The following STRN variants were observed in gnomAD, a reference collection of about 807,000 sequenced individuals.
The protein encoded by STRN is striatin.
In STRN, 53 loss-of-function variants were observed where a neutral mutation model predicts 96.3. The observed-to-expected ratio is 0.55, with a 90% CI of 0.44 to 0.69. STRN has a LOEUF of 0.69. Ranked by LOEUF, STRN falls within the 30% of genes least tolerant of loss-of-function variation. STRN has a pLI of 0.00. For synonymous variants in STRN, 428 were observed against 355.9 expected (o/e 1.20, Z -2.28); for missense variants, 987 against 963.9 (o/e 1.02, Z -0.32).
chr2:36,935,189 T>A (rs1670672401), intron 1 of STRN, among the ~76,000 whole-genome samples: 1 of 152,150 alleles, frequency 6.6e-6, no homozygotes, highest in African/African-American at 2.4e-5. Context: ...CTTATGCCCT[T>A]CTCTCTCCTA....
chr2:36,941,070 C>CCTT (rs1670834168), intron 1 of STRN, among the ~76,000 whole-genome samples: 1 of 152,130 alleles, frequency 6.6e-6, no homozygotes, highest in Non-Finnish European at 1.5e-5. Flanking sequence ...GGGAGGATGA[C>CCTT]CTGAACCCAG....
intron 5 of STRN, among the ~76,000 whole-genome samples, chr2:36,900,657 G>C (rs536532938): frequency 2.0e-5 from 3 of 152,158 alleles, no homozygotes; most frequent in Non-Finnish European, 2.9e-5. Context: ...TTGGGAGGCT[G>C]AGGCAGGCGG....
chr2:36,869,721 G>C lies in STRN; in HGVS notation c.1332C>G (p.Asn444Lys). The change falls in exon 11 of 18, where the codon AAC becomes AAG. Residue 444 changes from asparagine to lysine, a missense_variant. Physicochemically the swap from Asn to Lys is moderately conservative, Grantham distance 94 (BLOSUM62 0). Coordinates refer to ENST00000263918, the MANE Select transcript of STRN (RefSeq NM_003162.4). ...EADSLTYDIANNKDALRKTWN... is the reference protein window; with the variant it reads ...EADSLTYDIAKNKDALRKTWN... The stretch of plus-strand genomic sequence containing the variant: ...ATGTCTTCCTCAATGCATCTTTATT[G>C]TTTGCTATCTATTAAAGAAACAAAA... The C allele has an allele frequency of 1.3e-6, 2 of 1,597,012 alleles. No homozygotes were observed. Among genetic ancestry groups the C allele is most frequent in the Non-Finnish European group, 1.7e-6 (2 of 1,173,272 alleles).
Position 36,904,548 on chromosome 2 carries a change from C to T in STRN, c.491+992G>A, listed in dbSNP as rs144708518. On this transcript the variant is annotated intron_variant, in intron 4 of 17. Transcript: ENST00000263918. Reference sequence around the variant, plus strand: ...TAATATTTTATGGAAGAAAGTTGACCGGGCATGGTGGCTCACACCTGTAAT... The same window carrying T: ...TAATATTTTATGGAAGAAAGTTGACTGGGCATGGTGGCTCACACCTGTAAT... 1.2e-3 allele frequency among the ~76,000 whole-genome samples: 184 copies of T among 152,198 alleles called. 3 individuals carry two copies. In the East Asian group the frequency reaches 0.031, roughly 26 times the overall value.
chr2:36,907,823 A>ATCT (rs1302136172), intron 3 of STRN, among the ~76,000 whole-genome samples: 1 of 152,178 alleles, frequency 6.6e-6, no homozygotes, highest in Non-Finnish European at 1.5e-5. Context: ...TAAGCATTAA[A>ATCT]TCTTCCAAGT....
In STRN at chr2:36,839,898, C is replaced by T. The variant is rs185841407; in HGVS notation, c.*9558G>A. The stretch of plus-strand genomic sequence containing the variant: ...CTGTTTTATTCCTAAAACAATTGCA[C>T]TGTTCAGCTAAAGCCCTGGGCCCTG... On this transcript the variant is annotated 3_prime_UTR_variant, in exon 18 of 18. Transcript: ENST00000263918. 1.3e-4 allele frequency: 20 copies of T among 152,298 alleles called. No homozygotes were observed. The East Asian group carries it at 1.9e-3, about 15-fold the overall frequency. The allele number at this position is 152,298 out of a possible 1,614,324, so 9.4% of individuals were successfully genotyped here.
Position 36,857,849 on chromosome 2 carries a change from T to C in STRN, c.1837+7A>G. 6.2e-7 allele frequency: 1 copy of C among 1,607,824 alleles called. No individual in the cohort carries two copies. The highest frequency in any genetic ancestry group is 2.2e-5 in the East Asian group (1 of 44,730). On this transcript the variant is annotated splice_region_variant and intron_variant, in intron 14 of 17. Coordinates refer to ENST00000263918, the MANE Select transcript of STRN (RefSeq NM_003162.4). ...GATTCAGCAAAATAATTTTTTAAAG[T>C]ATGTACCTTTAGTATCATTAAATAC...
intron 7 of STRN, among the ~76,000 whole-genome samples, chr2:36,893,255 AT>A (rs1669447871): frequency 6.6e-6 from 1 of 152,204 alleles, no homozygotes; most frequent in Non-Finnish European, 1.5e-5. Context: ...GTTACAGACA[AT>A]TAAAAATGTA....
intron 15 of STRN, among the ~76,000 whole-genome samples, chr2:36,853,462 T>C (rs969962186): frequency 1.3e-5 from 2 of 152,190 alleles, no homozygotes; most frequent in African/African-American, 2.4e-5. Flanking sequence ...AATCAAATCA[T>C]GGAAACAGGC....
chr2:36,889,694 G>C lies in STRN; in HGVS notation c.932-2868C>G, dbSNP rs1307460194. On this transcript the variant is annotated intron_variant, in intron 7 of 17. Coordinates refer to ENST00000263918, the MANE Select transcript of STRN (RefSeq NM_003162.4). ...AATCGTTTAAATGTTCACTCAATTA[G>C]ACAAGATTTGCAACCTAGTTTTGTT... Among the ~76,000 whole-genome samples the C allele has an allele frequency of 3.9e-5, 6 of 152,024 alleles. No homozygotes were observed. The South Asian group carries it at 1.2e-3, about 32-fold the overall frequency.
intron 3 of STRN, among the ~76,000 whole-genome samples, chr2:36,908,335 A>G (rs549434958): frequency 6.6e-6 from 1 of 152,346 alleles, no homozygotes; most frequent in South Asian, 2.1e-4. Context: ...CAGCAAATCA[A>G]TGGAATACTA....
chr2:36,939,687 T>C (rs1267749070), intron 1 of STRN, among the ~76,000 whole-genome samples: 3 of 152,118 alleles, frequency 2.0e-5, no homozygotes, highest in Admixed American at 6.6e-5. Context: ...CCAGCCAGCA[T>C]CTAGTCTTTT....
chr2:36,964,180 C>G (rs866014041), intron 1 of STRN, among the ~76,000 whole-genome samples: 3 of 74,698 alleles, frequency 4.0e-5, no homozygotes, highest in African/African-American at 1.6e-4. Context: ...GTGAACGGGG[C>G]GGGGCGGGGG....
chr2:36,857,613 T>C (rs1312444917), intron 14 of STRN, among the ~76,000 whole-genome samples: 1 of 151,996 alleles, frequency 6.6e-6, no homozygotes. Flanking sequence ...TGAGCCGAGA[T>C]TGCGCCACTG....
chr2:36,878,054 T>G (rs754359414), intron 9 of STRN, 27 bp from the exon 10 acceptor site: 1 of 1,610,682 alleles, frequency 6.2e-7, no homozygotes, highest in South Asian at 1.1e-5. Flanking sequence ...AAGGAAACAT[T>G]AAAAAATCTC....
chr2:36,966,087 A>C, intron 1 of STRN, 143 bp downstream of exon 1: 3 of 878,810 alleles, frequency 3.4e-6, no homozygotes, highest in Non-Finnish European at 4.6e-6. Context: ...GAAGAGAAGA[A>C]GGGGACGGGG....
intron 12 of STRN, 126 bp downstream of exon 12, chr2:36,867,688 T>G (rs1668664554): frequency 5.5e-6 from 3 of 546,496 alleles, no homozygotes; most frequent in South Asian, 8.7e-5. Context: ...ATCTGTCAAA[T>G]TCTTTTACAT....
chr2:36,857,228 C>CT (rs1668369107), intron 14 of STRN, among the ~76,000 whole-genome samples: 1 of 151,802 alleles, frequency 6.6e-6, no homozygotes, highest in South Asian at 2.1e-4. Flanking sequence ...CACCTGGATT[C>CT]TATGTCTTGA....
At chr2:36,920,137 G>A (rs182464008) in intron 2 of STRN, among the ~76,000 whole-genome samples, 67 of 152,206 alleles carry the variant, frequency 4.4e-4, no homozygotes, top group African/African-American at 1.4e-3. Context: ...GAAAAAGACT[G>A]ACAAAAACAT....
Sources: allele counts gnomAD v4.1 joint callset (sites outside exome capture counted in the v4.1 genomes callset), GRCh38; gene constraint gnomAD v4.1.1; transcripts MANE v1.5; gene names NCBI Gene and HGNC (gene_info 2026-07-23, HGNC 2026-07-21).